The following KLHL13 variants were observed in gnomAD, a reference collection of about 807,000 sequenced individuals.
KLHL13 encodes the protein kelch like family member 13.
In KLHL13, 10 loss-of-function variants were observed where a neutral mutation model predicts 37.1. That is an observed-to-expected ratio of 0.27 (90% CI 0.17 to 0.46). The LOEUF (loss-of-function observed/expected upper bound fraction) is 0.46. Among genes scored for constraint, KLHL13 ranks in the 20% least tolerant of loss-of-function variants. The pLI is 1.00. For synonymous variants in KLHL13, 163 were observed against 181.2 expected (o/e 0.90, Z 0.81); for missense variants, 360 against 509.3 (o/e 0.71, Z 2.82).
chrX:118,108,938 C>G (rs1385287474), intron 1 of KLHL13, among the ~76,000 whole-genome samples: 1 of 111,591 alleles, frequency 9.0e-6, no homozygotes, highest in Non-Finnish European at 1.9e-5. Flanking sequence ...TCTCGAGTAG[C>G]TGAGACTATA....
chrX:118,082,897 C>T (rs1424779463), intron 1 of KLHL13, among the ~76,000 whole-genome samples: 1 of 111,601 alleles, frequency 9.0e-6, no homozygotes, highest in Admixed American at 9.6e-5. Flanking sequence ...CTGTTAAAAT[C>T]AGTTGGCTGT....
chrX:117,934,523 G>T (rs1162880300), intron 2 of KLHL13, among the ~76,000 whole-genome samples: 1 of 110,735 alleles, frequency 9.0e-6, no homozygotes, highest in Non-Finnish European at 1.9e-5. Flanking sequence ...AGATTATATG[G>T]CTGAATGGAT....
chrX:117,957,475 T>C (rs2053222148), intron 1 of KLHL13, among the ~76,000 whole-genome samples: 1 of 112,028 alleles, frequency 8.9e-6, no homozygotes. Flanking sequence ...ACTTACAAAC[T>C]ACAAATTGTT....
intron 1 of KLHL13, among the ~76,000 whole-genome samples, chrX:117,954,951 T>A (rs1933828555): frequency 8.9e-6 from 1 of 112,076 alleles, no homozygotes; most frequent in Admixed American, 9.5e-5. Context: ...GAGCTTTGCT[T>A]CCAGAGGACT....
At chrX:117,961,912 G>C (rs777572401) in intron 1 of KLHL13, among the ~76,000 whole-genome samples, 4 of 110,161 alleles carry the variant, frequency 3.6e-5, no homozygotes, top group African/African-American at 1.3e-4. Flanking sequence ...TGAAAAAACT[G>C]TAAGATAATA....
chrX:117,915,615 A>G (rs1441888749), intron 4 of KLHL13, among the ~76,000 whole-genome samples: 1 of 112,398 alleles, frequency 8.9e-6, no homozygotes, highest in Non-Finnish European at 1.9e-5. Flanking sequence ...AAATGCTTTT[A>G]TACAAACATA....
chrX:118,008,531 T>C (rs776380140), intron 1 of KLHL13, among the ~76,000 whole-genome samples: 16 of 111,982 alleles, frequency 1.4e-4, no homozygotes, highest in Non-Finnish European at 2.4e-4. Flanking sequence ...GGACACCTAA[T>C]TCTGCTAGGA....
rs1930838615 is a variant in KLHL13, at chrX:117,909,694, G to A, written c.973C>T (p.Gln325Ter). The A allele has an allele frequency of 8.3e-7, 1 of 1,210,351 alleles. No individual in the cohort carries two copies. Among genetic ancestry groups the A allele is most frequent in the Non-Finnish European group, 1.1e-6 (1 of 895,290 alleles). The change falls in exon 5 of 7, where the codon CAG becomes TAG. Residue 325 changes from glutamine to a stop codon, truncating the protein, a stop_gained. Transcript: ENST00000262820. LOFTEE classifies it high-confidence loss of function. ...GTCCTGTCTGACTGCATAACTGGCTGCATATATGGCATCATTTGGTAATTG... is the reference window on the plus strand; with the variant it reads ...GTCCTGTCTGACTGCATAACTGGCTACATATATGGCATCATTTGGTAATTG...
At chrX:118,112,121 G>A (rs902948583) in intron 1 of KLHL13, among the ~76,000 whole-genome samples, 12 of 112,047 alleles carry the variant, frequency 1.1e-4, no homozygotes, top group African/African-American at 3.2e-4. Flanking sequence ...CTCTTAACAA[G>A]TATGCTCTAC....
At chrX:118,097,816 C>G (rs1476845687) in intron 1 of KLHL13, among the ~76,000 whole-genome samples, 1 of 111,728 alleles carries the variant, frequency 9.0e-6, no homozygotes, top group Non-Finnish European at 1.9e-5. Context: ...TGGAGGAAAA[C>G]AAGCAATGGG....
At chrX:118,038,167 A>T (rs1159434808) in intron 1 of KLHL13, among the ~76,000 whole-genome samples, 1 of 112,263 alleles carries the variant, frequency 8.9e-6, no homozygotes, top group Non-Finnish European at 1.9e-5. Context: ...GTGTCAATGT[A>T]GGAATATTTA....
intron 2 of KLHL13, among the ~76,000 whole-genome samples, chrX:117,936,332 G>A (rs1293203911): frequency 9.0e-6 from 1 of 111,396 alleles, no homozygotes; most frequent in East Asian, 2.8e-4. Flanking sequence ...AGCCTGTTAG[G>A]TATCAAATGA....
At chrX:117,951,805 G>C (rs892584651) in intron 1 of KLHL13, among the ~76,000 whole-genome samples, 1 of 112,287 alleles carries the variant, frequency 8.9e-6, no homozygotes, top group Non-Finnish European at 1.9e-5. Context: ...GCACATTCTA[G>C]TATCCTATTT....
intron 1 of KLHL13, among the ~76,000 whole-genome samples, chrX:118,055,251 A>G (rs1394220860): frequency 8.9e-6 from 1 of 112,263 alleles, no homozygotes; most frequent in Non-Finnish European, 1.9e-5. Context: ...AAACCATCTT[A>G]TGGAACACAT....
intron 1 of KLHL13, among the ~76,000 whole-genome samples, chrX:118,025,013 G>T (rs2148018535): frequency 8.9e-6 from 1 of 112,297 alleles, no homozygotes. Context: ...ATAAATTGTT[G>T]CATATTTAAA....
At chrX:117,945,691 G>T in intron 1 of KLHL13, 116 bp from the exon 3 acceptor site, 2 of 563,847 alleles carry the variant, frequency 3.5e-6, no homozygotes, top group Non-Finnish European at 5.6e-6. Context: ...GCAATATGGT[G>T]AATATTGTTT....
chrX:118,088,438 A>G (rs1244414755), intron 1 of KLHL13, among the ~76,000 whole-genome samples: 2 of 111,895 alleles, frequency 1.8e-5, no homozygotes, highest in Non-Finnish European at 3.8e-5. Flanking sequence ...TGTCATCTAT[A>G]TATCACTTCA....
exon 1 of KLHL13, chrX:117,973,013 A>C: frequency 9.4e-7 from 1 of 1,061,606 alleles, no homozygotes; most frequent in Non-Finnish European, 1.2e-6. Flanking sequence ...ACCTCCTTAA[A>C]TTCTTCTGTC....
intron 6 of KLHL13, among the ~76,000 whole-genome samples, chrX:117,900,146 C>T (rs1430441451): frequency 2.7e-5 from 3 of 112,020 alleles, no homozygotes. Flanking sequence ...TCTTAGATCA[C>T]ATATAAACCA....
Sources: allele counts gnomAD v4.1 joint callset (sites outside exome capture counted in the v4.1 genomes callset), GRCh38; gene constraint gnomAD v4.1.1; transcripts MANE v1.5; gene names NCBI Gene and HGNC (gene_info 2026-07-23, HGNC 2026-07-21).